TANGO6: variants seen among roughly 807,000 people sequenced by gnomAD.
TANGO6 encodes transport and golgi organization 6 homolog.
TANGO6 carries 90 observed loss-of-function variants against 114.2 expected under a neutral mutation model. The observed-to-expected ratio is 0.79, with a 90% CI of 0.66 to 0.94. TANGO6 has a LOEUF of 0.94. Ranked by LOEUF, TANGO6 falls within the 40% of genes least tolerant of loss-of-function variation. The pLI is 0.00. For synonymous variants in TANGO6, 477 were observed against 509.8 expected (o/e 0.94, Z 0.87); for missense variants, 1,274 against 1,315.3 (o/e 0.97, Z 0.49).
intron 7 of TANGO6, among the ~76,000 whole-genome samples, chr16:68,881,684 A>G (rs979138100): frequency 2.6e-5 from 4 of 152,194 alleles, no homozygotes; most frequent in African/African-American, 7.2e-5. Flanking sequence ...ATATAACAAG[A>G]ATGAAAATTT....
chr16:68,891,385 G>C (rs934163834), intron 7 of TANGO6, among the ~76,000 whole-genome samples: 3 of 152,090 alleles, frequency 2.0e-5, no homozygotes, highest in African/African-American at 7.2e-5. Context: ...ACCTGAACCG[G>C]GGAGGCGGAG....
chr16:68,926,303 G>A (rs1963166911), intron 12 of TANGO6, among the ~76,000 whole-genome samples: 1 of 151,822 alleles, frequency 6.6e-6, no homozygotes, highest in Non-Finnish European at 1.5e-5. Context: ...AGACCAGCCT[G>A]GCCAACATGG....
At chr16:69,076,817 C>T (rs2152244587) in intron 17 of TANGO6, among the ~76,000 whole-genome samples, 1 of 152,212 alleles carries the variant, frequency 6.6e-6, no homozygotes, top group South Asian at 2.1e-4. Context: ...GAGGAGTGAA[C>T]ACAATCTTAC....
At chr16:68,887,952 A>G (rs1408380970) in intron 7 of TANGO6, among the ~76,000 whole-genome samples, 1 of 152,164 alleles carries the variant, frequency 6.6e-6, no homozygotes, top group Non-Finnish European at 1.5e-5. Flanking sequence ...ATGATGGGAA[A>G]AAGTATAGGG....
At chr16:68,852,308 T>G (rs925853585) in intron 1 of TANGO6, among the ~76,000 whole-genome samples, 1 of 152,212 alleles carries the variant, frequency 6.6e-6, no homozygotes, top group Admixed American at 6.6e-5. Context: ...ACACCTGTTA[T>G]GGGACATGCA....
intron 6 of TANGO6, among the ~76,000 whole-genome samples, chr16:68,879,780 C>A (rs760110127): frequency 1.3e-5 from 2 of 151,298 alleles, no homozygotes; most frequent in Non-Finnish European, 2.9e-5. Context: ...CCACGCCCAG[C>A]TAATTTTTTG....
chr16:69,027,009 T>C (rs563712076), intron 16 of TANGO6, among the ~76,000 whole-genome samples: 2 of 152,250 alleles, frequency 1.3e-5, no homozygotes, highest in African/African-American at 4.8e-5. Flanking sequence ...ATTACAGGTA[T>C]GAGCCACCAT....
chr16:68,911,977 A>G (rs1022488167), intron 11 of TANGO6, among the ~76,000 whole-genome samples: 1 of 152,342 alleles, frequency 6.6e-6, no homozygotes, highest in Non-Finnish European at 1.5e-5. Flanking sequence ...GTTGAAGTAC[A>G]TCAAAGATAT....
intron 17 of TANGO6, among the ~76,000 whole-genome samples, chr16:69,045,083 G>C (rs1430239440): frequency 6.6e-6 from 1 of 151,370 alleles, no homozygotes; most frequent in East Asian, 1.9e-4. Flanking sequence ...TTTGAACCGG[G>C]AGGCAAAGGT....
At chr16:68,951,200 A>G (rs543994795) in intron 14 of TANGO6, among the ~76,000 whole-genome samples, 13 of 151,970 alleles carry the variant, frequency 8.6e-5, no homozygotes, top group African/African-American at 2.4e-4. Context: ...GCGCATGCCT[A>G]TAGTCCCAGC....
At chr16:68,994,245 T>G (rs1963971798) in intron 15 of TANGO6, among the ~76,000 whole-genome samples, 1 of 152,188 alleles carries the variant, frequency 6.6e-6, no homozygotes, top group East Asian at 1.9e-4. Context: ...TGAAAGATAT[T>G]TATTTATGGA....
chr16:69,061,246 C>T lies in TANGO6; in HGVS notation c.3108+20825C>T, dbSNP rs144867967. Among the ~76,000 whole-genome samples the T allele has an allele frequency of 2.8e-3, 430 of 152,138 alleles. 3 individuals carry two copies. Among genetic ancestry groups the T allele is most frequent in the African/African-American group, 9.9e-3 (410 of 41,508 alleles). The stretch of plus-strand genomic sequence containing the variant: ...GAGTGACAGAATGAATACTGATGTT[C>T]GGCTAGAATCACTCTGCTTTTCAAA... On this transcript the variant is annotated intron_variant, in intron 17 of 17. Coordinates refer to ENST00000261778, the MANE Select transcript of TANGO6 (RefSeq NM_024562.2).
chr16:69,044,088 A>G lies in TANGO6; in HGVS notation c.3108+3667A>G, dbSNP rs528660236. Among the ~76,000 whole-genome samples, 31 of 152,286 alleles carry G rather than the reference A, an allele frequency of 2.0e-4. No individual in the cohort carries two copies. In the East Asian group the frequency reaches 5.0e-3, roughly 25 times the overall value. The stretch of plus-strand genomic sequence containing the variant: ...CTGCATTCACTTTCTTTTTTGAGAC[A>G]GAGTCTCACTCTGGTGCCCAGGCTG... On this transcript the variant is annotated intron_variant, in intron 17 of 17. Coordinates refer to ENST00000261778, the MANE Select transcript of TANGO6 (RefSeq NM_024562.2).
chr16:68,986,552 G>A (rs1204043686), intron 15 of TANGO6, among the ~76,000 whole-genome samples: 2 of 151,892 alleles, frequency 1.3e-5, no homozygotes, highest in Admixed American at 6.6e-5. Flanking sequence ...GTATCACATG[G>A]CCCCAGGTCT....
intron 1 of TANGO6, among the ~76,000 whole-genome samples, chr16:68,856,711 G>A (rs1244459145): frequency 6.6e-6 from 1 of 152,088 alleles, no homozygotes; most frequent in Admixed American, 6.6e-5. Flanking sequence ...GTTTATATTA[G>A]GGTTCACTGT....
chr16:68,981,057 G>A (rs1203801046), intron 15 of TANGO6, among the ~76,000 whole-genome samples: 1 of 151,958 alleles, frequency 6.6e-6, no homozygotes, highest in Non-Finnish European at 1.5e-5. Context: ...CAATTTAGGA[G>A]TTTTTGTACT....
At position 68,867,087 on chromosome 16, in the gene TANGO6, A is replaced by C; in HGVS notation, c.861A>C (p.Thr287=). 1 of 1,610,834 alleles carries C rather than the reference A, an allele frequency of 6.2e-7. No individual in the cohort carries two copies. The change falls in exon 4 of 18, where the codon ACA becomes ACC. Residue 287 remains threonine (T), a synonymous_variant. Transcript: ENST00000261778. ...ILQGGPPQSC[T]DVKTQMRCRA... ...CTTCTTCTTTTTCTCAGTCCTGCAC[A>C]GATGTGAAGACACAGATGAGGTGTC...
intron 7 of TANGO6, among the ~76,000 whole-genome samples, chr16:68,882,388 T>G (rs925177114): frequency 1.3e-5 from 2 of 151,638 alleles, no homozygotes; most frequent in African/African-American, 4.8e-5. Flanking sequence ...TCCCAGCTAC[T>G]CGGGAGGCTG....
intron 16 of TANGO6, among the ~76,000 whole-genome samples, chr16:69,029,461 C>G (rs753980301): frequency 6.6e-6 from 1 of 152,116 alleles, no homozygotes; most frequent in African/African-American, 2.4e-5. Flanking sequence ...TTCCGGACAC[C>G]TAAGACATAT....
Sources: allele counts gnomAD v4.1 joint callset (sites outside exome capture counted in the v4.1 genomes callset), GRCh38; gene constraint gnomAD v4.1.1; transcripts MANE v1.5; gene names NCBI Gene and HGNC (gene_info 2026-07-23, HGNC 2026-07-21).